Variants in PRKG1 observed in about 807,000 individuals in gnomAD.
PRKG1 encodes cGMP-dependent protein kinase 1.
Under a neutral mutation model 88.1 loss-of-function variants are expected in PRKG1, and 35 were observed. That is an observed-to-expected ratio of 0.40 (90% confidence interval 0.30 to 0.53). The LOEUF is 0.53. Among genes scored for constraint, PRKG1 ranks in the 20% least tolerant of loss-of-function variants. The probability of loss-of-function intolerance (pLI) is 0.59; values close to 1 mark genes in which losing one functional copy is unlikely to be tolerated. For synonymous variants in PRKG1, 303 were observed against 292.5 expected, an observed-to-expected ratio of 1.04 and a Z score of -0.37; for missense variants, 540 against 839.8, an observed-to-expected ratio of 0.64 and a Z score of 4.41.
chr10:51,214,133 G>T (rs1214657533), intron 2 of PRKG1, among the ~76,000 whole-genome samples: 1 of 152,116 alleles, frequency 6.6e-6, no homozygotes, highest in Non-Finnish European at 1.5e-5. Context: ...TTAGTCTTAT[G>T]ATTCCCCTAA....
intron 1 of PRKG1, among the ~76,000 whole-genome samples, chr10:51,127,045 G>A (rs1845444434): frequency 6.6e-6 from 1 of 152,118 alleles, no homozygotes; most frequent in African/African-American, 2.4e-5. Context: ...TCAAGATGTA[G>A]GCATGGACAA....
intron 4 of PRKG1, among the ~76,000 whole-genome samples, chr10:51,894,838 T>G (rs1264065522): frequency 6.6e-6 from 1 of 152,240 alleles, no homozygotes; most frequent in Non-Finnish European, 1.5e-5. Flanking sequence ...TAATTTTAAA[T>G]GTATTCTCTT....
intron 3 of PRKG1, among the ~76,000 whole-genome samples, chr10:51,755,820 A>G (rs998454779): frequency 2.6e-5 from 4 of 152,196 alleles, no homozygotes; most frequent in Non-Finnish European, 4.4e-5. Context: ...CTGACTATCT[A>G]CTTGGTTTAG....
At chr10:52,156,069 A>C (rs887641305) in intron 8 of PRKG1, among the ~76,000 whole-genome samples, 2 of 151,952 alleles carry the variant, frequency 1.3e-5, no homozygotes, top group Non-Finnish European at 2.9e-5. Context: ...TGTTATTTGA[A>C]ATCCATTTTT....
chr10:51,477,335 A>G (rs936635986), intron 3 of PRKG1, among the ~76,000 whole-genome samples: 12 of 150,566 alleles, frequency 8.0e-5, no homozygotes, highest in Non-Finnish European at 1.3e-4. Flanking sequence ...AGATCGAGAC[A>G]AATAGAAGAA....
chr10:51,763,806 C>G (rs923675054), intron 3 of PRKG1, among the ~76,000 whole-genome samples: 1 of 151,730 alleles, frequency 6.6e-6, no homozygotes, highest in Non-Finnish European at 1.5e-5. Context: ...AGGGGCTGTA[C>G]TTAGTGAGGG....
intron 3 of PRKG1, among the ~76,000 whole-genome samples, chr10:51,675,789 C>G (rs1840695904): frequency 6.6e-6 from 1 of 152,108 alleles, no homozygotes; most frequent in South Asian, 2.1e-4. Context: ...CTTTAAGATT[C>G]TATAGTTCTT....
intron 9 of PRKG1, among the ~76,000 whole-genome samples, chr10:52,191,327 C>CTATT (rs1554815791): frequency 7.1e-6 from 1 of 141,568 alleles, no homozygotes; most frequent in Non-Finnish European, 1.5e-5. Context: ...CATGCTCCAG[C>CTATT]TATTTTTTTT....
chr10:51,476,483 C>T (rs1470930896), intron 3 of PRKG1, among the ~76,000 whole-genome samples: 1 of 152,014 alleles, frequency 6.6e-6, no homozygotes, highest in East Asian at 1.9e-4. Context: ...ATGTTATACC[C>T]TCATAATTCC....
intron 2 of PRKG1, among the ~76,000 whole-genome samples, chr10:51,425,414 T>C (rs1838548805): frequency 6.6e-6 from 1 of 152,214 alleles, no homozygotes; most frequent in Admixed American, 6.5e-5. Flanking sequence ...TTTGCATTTA[T>C]ACAAATGAGA....
intron 2 of PRKG1, among the ~76,000 whole-genome samples, chr10:51,243,711 A>G (rs1839214251): frequency 2.0e-5 from 3 of 152,170 alleles, no homozygotes; most frequent in Non-Finnish European, 2.9e-5. Flanking sequence ...CTCTTTTCAT[A>G]TACCTGTGAA....
chr10:52,025,586 C>T (rs1845314727), intron 5 of PRKG1, among the ~76,000 whole-genome samples: 1 of 151,974 alleles, frequency 6.6e-6, no homozygotes. Flanking sequence ...AATAGAGGTT[C>T]CTTTCCCCAT....
At chr10:51,931,796 G>A (rs1039922271) in intron 5 of PRKG1, among the ~76,000 whole-genome samples, 3 of 152,140 alleles carry the variant, frequency 2.0e-5, no homozygotes, top group Non-Finnish European at 4.4e-5. Context: ...GAAGGATGTA[G>A]TAAAAATAAC....
At chr10:51,722,365 A>G (rs768694126) in intron 3 of PRKG1, among the ~76,000 whole-genome samples, 33 of 152,128 alleles carry the variant, frequency 2.2e-4, no homozygotes, top group Non-Finnish European at 4.0e-4. Flanking sequence ...ATGACAACAT[A>G]CCTGGTGCCT....
chr10:51,312,683 A>ATGTGTG (rs34906561), intron 2 of PRKG1, among the ~76,000 whole-genome samples: 18,089 of 150,858 alleles, frequency 0.12, 1,295 homozygotes, highest in Non-Finnish European at 0.17. Context: ...AGATGGATAT[A>ATGTGTG]TGTGTGTGTG....
intron 5 of PRKG1, among the ~76,000 whole-genome samples, chr10:51,995,382 T>A (rs1221805253): frequency 1.3e-5 from 2 of 152,218 alleles, no homozygotes; most frequent in Non-Finnish European, 2.9e-5. Context: ...AATTACCTTT[T>A]CTGAATGATC....
At chr10:51,559,018 C>T (rs1224105456) in intron 3 of PRKG1, among the ~76,000 whole-genome samples, 1 of 152,066 alleles carries the variant, frequency 6.6e-6, no homozygotes, top group Non-Finnish European at 1.5e-5. Context: ...ACGACATTCA[C>T]ATAACTTATA....
chr10:52,070,520 GT>G (rs201293219), intron 7 of PRKG1, among the ~76,000 whole-genome samples: 5 of 151,738 alleles, frequency 3.3e-5, no homozygotes, highest in Non-Finnish European at 7.4e-5. Context: ...TGAGAATGCA[GT>G]TTTTTTTCAA....
At chr10:51,412,224 A>G (rs1838113702) in intron 2 of PRKG1, among the ~76,000 whole-genome samples, 1 of 145,676 alleles carries the variant, frequency 6.9e-6, no homozygotes, top group South Asian at 2.2e-4. Flanking sequence ...AAAGAAAGAG[A>G]GAAAGAATTG....
Sources: allele counts gnomAD v4.1 joint callset (sites outside exome capture counted in the v4.1 genomes callset), GRCh38; gene constraint gnomAD v4.1.1; transcripts MANE v1.5; gene names NCBI Gene and HGNC (gene_info 2026-07-23, HGNC 2026-07-21).